MCC: variants seen among roughly 807,000 people sequenced by gnomAD.
MCC encodes MCC regulator of Wnt signaling pathway.
In MCC, 90 loss-of-function variants were observed where a neutral mutation model predicts 116.2. That is an observed-to-expected ratio of 0.77 (90% CI 0.65 to 0.92). The LOEUF (loss-of-function observed/expected upper bound fraction) is 0.92. MCC is among the 40% of genes least tolerant of loss of function. MCC has a pLI of 0.00. For missense variants in MCC, 1,516 were observed against 1,312.2 expected (o/e 1.16, Z -2.40); for synonymous variants, 578 against 510.5 (o/e 1.13, Z -1.78).
chr5:113,168,618 C>G (rs1258207859), intron 3 of MCC, among the ~76,000 whole-genome samples: 1 of 151,904 alleles, frequency 6.6e-6, no homozygotes, highest in African/African-American at 2.4e-5. Flanking sequence ...CAGAATATAC[C>G]ACAGGCACAA....
intron 5 of MCC, among the ~76,000 whole-genome samples, chr5:113,130,963 A>T (rs1309331253): frequency 1.3e-5 from 2 of 152,208 alleles, no homozygotes; most frequent in Non-Finnish European, 2.9e-5. Context: ...TTCTCTCCCA[A>T]AGGCCTCATC....
intron 1 of MCC, among the ~76,000 whole-genome samples, chr5:113,408,595 A>G (rs935628251): frequency 3.3e-5 from 5 of 152,224 alleles, no homozygotes; most frequent in Admixed American, 2.0e-4. Flanking sequence ...CAGCATCAGC[A>G]TGACCTGGGA....
At chr5:113,403,729 C>T (rs1769755416) in intron 1 of MCC, among the ~76,000 whole-genome samples, 1 of 152,166 alleles carries the variant, frequency 6.6e-6, no homozygotes, top group African/African-American at 2.4e-5. Flanking sequence ...TGTAAGCCCC[C>T]AGCGGGATTG....
intron 6 of MCC, among the ~76,000 whole-genome samples, chr5:113,114,724 G>A (rs554924414): frequency 2.6e-5 from 4 of 152,286 alleles, no homozygotes; most frequent in Non-Finnish European, 5.9e-5. Flanking sequence ...GCTTGACACC[G>A]TTGCTTCGGA....
chr5:113,082,852 C>A lies in MCC; in HGVS notation c.1784+8G>T. The A allele has an allele frequency of 1.2e-6, 2 of 1,613,588 alleles. No individual in the cohort carries two copies. The highest frequency in any genetic ancestry group is 3.3e-5 in the Admixed American group (2 of 59,986). ...CCCCACAATCAAATCGATACGATCT[C>A]TCCTCACCTATTCAGCCGTTCTGTT... On this transcript the variant is annotated splice_region_variant and intron_variant, in intron 11 of 18. Coordinates refer to ENST00000408903, the MANE Select transcript of MCC (RefSeq NM_001085377.2).
intron 14 of MCC, among the ~76,000 whole-genome samples, chr5:113,054,913 GCTCCCCGTGC>G (rs1224834968): frequency 6.6e-6 from 1 of 152,242 alleles, no homozygotes; most frequent in Non-Finnish European, 1.5e-5. Context: ...TGGGCAGGCT[GCTCCCCGTGC>G]CTCCGAATAA....
At chr5:113,272,308 G>A (rs915553987) in intron 3 of MCC, among the ~76,000 whole-genome samples, 11 of 152,078 alleles carry the variant, frequency 7.2e-5, no homozygotes, top group South Asian at 4.1e-4. Flanking sequence ...TGGAATGGCC[G>A]TATTTGTTCT....
At chr5:113,152,786 C>T (rs1224310653) in intron 3 of MCC, among the ~76,000 whole-genome samples, 9 of 152,090 alleles carry the variant, frequency 5.9e-5, no homozygotes, top group Admixed American at 5.2e-4. Flanking sequence ...CACTTAATCG[C>T]ATCGGAGCAG....
intron 9 of MCC, among the ~76,000 whole-genome samples, chr5:113,084,706 G>T (rs1216455459): frequency 1.3e-5 from 2 of 152,180 alleles, no homozygotes; most frequent in South Asian, 2.1e-4. Context: ...GTGAGTCAGT[G>T]GGGCTACTTC....
At chr5:113,378,242 A>G (rs920262651) in intron 2 of MCC, among the ~76,000 whole-genome samples, 1 of 152,134 alleles carries the variant, frequency 6.6e-6, no homozygotes, top group African/African-American at 2.4e-5. Flanking sequence ...TCTCAACCAC[A>G]TATTCTTTCA....
chr5:113,274,568 C>T (rs1466726634), intron 3 of MCC, among the ~76,000 whole-genome samples: 1 of 152,146 alleles, frequency 6.6e-6, no homozygotes, highest in Non-Finnish European at 1.5e-5. Context: ...ACCATGTTGG[C>T]CAGGCTGGTC....
chr5:113,189,104 C>T lies in MCC; in HGVS notation c.628-37682G>A, dbSNP rs190151793. ...GTGAAAAGGAGCACCTGAACAGAAC[C>T]GAGACAACCTCAGACTTGCTTCAAG... On this transcript the variant is annotated intron_variant, in intron 3 of 18. Coordinates refer to ENST00000408903, the MANE Select transcript of MCC (RefSeq NM_001085377.2). Among the ~76,000 whole-genome samples, 64 of 152,272 alleles carry T rather than the reference C, an allele frequency of 4.2e-4. 1 individual carries two copies. The highest frequency in any genetic ancestry group is 3.4e-3 in the Middle Eastern group (1 of 294).
chr5:113,227,404 A>C (rs1381776410), intron 3 of MCC, among the ~76,000 whole-genome samples: 1 of 152,204 alleles, frequency 6.6e-6, no homozygotes, highest in African/African-American at 2.4e-5. Context: ...TAACTCAAAC[A>C]CCCATTTTCC....
At chr5:113,029,163 C>A in intron 17 of MCC, 107 bp from the exon 18 acceptor site, 1 of 1,147,966 alleles carries the variant, frequency 8.7e-7, no homozygotes. Flanking sequence ...CTTGCAAAGC[C>A]TAAAGGCAAG....
chr5:113,345,280 A>G (rs75161110), intron 2 of MCC, among the ~76,000 whole-genome samples: 1 of 144,004 alleles, frequency 6.9e-6, no homozygotes, highest in Admixed American at 6.8e-5. Context: ...TTTTTTTTTT[A>G]CTCCAATCCC....
At chr5:113,435,204 A>C (rs993467752) in intron 1 of MCC, 1 of 222,948 alleles carries the variant, frequency 4.5e-6, no homozygotes, top group African/African-American at 2.2e-5. Context: ...GGGCCTGCCC[A>C]TGCTTCCAAA....
intron 3 of MCC, among the ~76,000 whole-genome samples, chr5:113,285,557 T>C (rs776407608): frequency 1.3e-5 from 2 of 152,034 alleles, no homozygotes; most frequent in African/African-American, 2.4e-5. Context: ...TCCTGAAGCA[T>C]AGCAAGAGTG....
intron 1 of MCC, among the ~76,000 whole-genome samples, chr5:113,439,217 C>T (rs919776049): frequency 3.9e-5 from 6 of 152,132 alleles, no homozygotes; most frequent in Admixed American, 2.6e-4. Context: ...GCTGGAGTGT[C>T]GGGGAGCAAG....
At chr5:113,116,073 G>C (rs1048880960) in intron 6 of MCC, among the ~76,000 whole-genome samples, 1 of 152,014 alleles carries the variant, frequency 6.6e-6, no homozygotes, top group Admixed American at 6.6e-5. Context: ...AGTCCAAATG[G>C]CCCTTTCTTA....
Sources: allele counts gnomAD v4.1 joint callset (sites outside exome capture counted in the v4.1 genomes callset), GRCh38; gene constraint gnomAD v4.1.1; transcripts MANE v1.5; gene names NCBI Gene and HGNC (gene_info 2026-07-23, HGNC 2026-07-21).